Variants in TRIO observed in about 807,000 individuals in gnomAD.
The protein encoded by TRIO is trio Rho guanine nucleotide exchange factor.
TRIO carries 58 observed loss-of-function variants against 351.9 expected under a neutral mutation model. That is an observed-to-expected ratio of 0.16 (90% CI 0.13 to 0.21). The LOEUF is 0.21. TRIO is among the 10% of genes least tolerant of loss of function. The pLI is 1.00. For missense variants in TRIO, 3,201 were observed against 4,027.8 expected (o/e 0.79, Z 5.56); for synonymous variants, 1,758 against 1,595.7 (o/e 1.10, Z -2.42).
chr5:14,290,696 G>C lies in TRIO; in HGVS notation c.541-20G>C. The C allele has an allele frequency of 1.9e-6, 3 of 1,568,122 alleles. No homozygotes were observed. The South Asian group carries it at 3.6e-5, about 19-fold the overall frequency. On this transcript the variant is annotated intron_variant, in intron 4 of 56. Coordinates refer to ENST00000344204, the MANE Select transcript of TRIO (RefSeq NM_007118.4). Reference sequence around the variant, plus strand: ...ATAAAATTGGTTCATCTTCTCATACGTGATTTTTTTTCCCTTAAGACAAAT... The same window carrying C: ...ATAAAATTGGTTCATCTTCTCATACCTGATTTTTTTTCCCTTAAGACAAAT...
In TRIO at chr5:14,285,111, C is replaced by T. The variant is rs185389054; in HGVS notation, c.348-1760C>T. Among the ~76,000 whole-genome samples the T allele has an allele frequency of 6.6e-5, 10 of 152,298 alleles. No homozygotes were observed. In the East Asian group the frequency reaches 1.7e-3, roughly 26 times the overall value. ...AGGTTTCATGAAGGAGGTCAGAAAA[C>T]AGGTGATGTTTCTGCCCGTGATGTT... On this transcript the variant is annotated intron_variant, in intron 3 of 56. Coordinates refer to ENST00000344204, the MANE Select transcript of TRIO (RefSeq NM_007118.4).
intron 30 of TRIO, 86 bp downstream of exon 30, chr5:14,399,156 C>G: frequency 8.0e-7 from 1 of 1,244,854 alleles, no homozygotes. Context: ...TCATTGTCTT[C>G]AGTTTAACCT....
intron 1 of TRIO, among the ~76,000 whole-genome samples, chr5:14,213,114 A>T (rs56070744): frequency 3.2e-3 from 481 of 152,236 alleles, no homozygotes; most frequent in Non-Finnish European, 5.5e-3. Context: ...AACCTTGCAA[A>T]CACTGAGGTT....
intron 16 of TRIO, 132 bp from the exon 17 acceptor site, chr5:14,368,576 C>A: frequency 1.1e-6 from 1 of 921,488 alleles, no homozygotes; most frequent in Non-Finnish European, 1.6e-6. Context: ...CTTTTAGAAG[C>A]ATCCTAGTGA....
At chr5:14,384,885 T>C (rs998234820) in intron 21 of TRIO, among the ~76,000 whole-genome samples, 1 of 152,058 alleles carries the variant, frequency 6.6e-6, no homozygotes, top group Admixed American at 6.5e-5. Context: ...AAAGGACTGA[T>C]TTGCCAGTAA....
chr5:14,364,921 C>A, intron 15 of TRIO, 105 bp downstream of exon 15: 1 of 1,382,526 alleles, frequency 7.2e-7, no homozygotes, highest in Non-Finnish European at 9.6e-7. Flanking sequence ...ATTGTGCCTG[C>A]TCAGAACACA....
intron 20 of TRIO, among the ~76,000 whole-genome samples, chr5:14,379,441 A>G (rs560832019): frequency 1.1e-4 from 16 of 152,318 alleles, no homozygotes; most frequent in African/African-American, 3.8e-4. Flanking sequence ...AGTTAGATGA[A>G]CTGGGTTCCT....
intron 30 of TRIO, among the ~76,000 whole-genome samples, chr5:14,400,017 A>C (rs954930168): frequency 3.3e-5 from 5 of 152,244 alleles, no homozygotes; most frequent in African/African-American, 9.6e-5. Context: ...TTCTTCAGGT[A>C]ATAAAATGTC....
At chr5:14,381,331 T>A in intron 21 of TRIO, 79 bp downstream of exon 21, 1 of 1,491,938 alleles carries the variant, frequency 6.7e-7, no homozygotes, top group Non-Finnish European at 8.9e-7. Context: ...AAATACCTCA[T>A]GAGATTGGAG....
chr5:14,420,885 T>A (rs982447538), intron 34 of TRIO: 1 of 152,268 alleles, frequency 6.6e-6, no homozygotes, highest in African/African-American at 2.4e-5. Context: ...CGCATGTGCC[T>A]TTCCTGTGGT....
chr5:14,411,719 C>T (rs1392271653), intron 33 of TRIO, among the ~76,000 whole-genome samples: 2 of 151,778 alleles, frequency 1.3e-5, no homozygotes, highest in Non-Finnish European at 2.9e-5. Context: ...GTGATCCTTG[C>T]CTGGCCCCCC....
intron 1 of TRIO, among the ~76,000 whole-genome samples, chr5:14,206,902 G>A (rs527674840): frequency 8.5e-5 from 13 of 152,190 alleles, no homozygotes; most frequent in African/African-American, 3.1e-4. Flanking sequence ...TGTTACATAT[G>A]TTTAAAAGGC....
intron 1 of TRIO, among the ~76,000 whole-genome samples, chr5:14,209,262 G>A (rs1021256630): frequency 2.0e-5 from 3 of 152,190 alleles, no homozygotes; most frequent in African/African-American, 7.2e-5. Flanking sequence ...ACCTCATGAC[G>A]TTGTAAAGAC....
intron 27 of TRIO, 120 bp downstream of exon 27, chr5:14,391,110 G>A (rs1747045808): frequency 1.3e-6 from 1 of 754,276 alleles, no homozygotes; most frequent in Non-Finnish European, 2.1e-6. Context: ...TATCATTTTT[G>A]TCTATCATTT....
At chr5:14,177,748 T>C (rs1789495287) in intron 1 of TRIO, among the ~76,000 whole-genome samples, 1 of 152,102 alleles carries the variant, frequency 6.6e-6, no homozygotes, top group African/African-American at 2.4e-5. Context: ...CTTGGGTGCC[T>C]AGGAGTTTCC....
At chr5:14,388,843 T>G (rs1746795359) in intron 24 of TRIO, among the ~76,000 whole-genome samples, 164 bp downstream of exon 24, 1 of 152,214 alleles carries the variant, frequency 6.6e-6, no homozygotes, top group Non-Finnish European at 1.5e-5. Context: ...GTTTCTGCAC[T>G]TCTGTAGAGT....
chr5:14,440,937 AG>A (rs1751979325), intron 34 of TRIO: 1 of 152,188 alleles, frequency 6.6e-6, no homozygotes, highest in African/African-American at 2.4e-5. Flanking sequence ...AGCTCCAATT[AG>A]AGTCAGTGTG....
intron 34 of TRIO, among the ~76,000 whole-genome samples, chr5:14,460,486 G>A (rs865788915): frequency 6.6e-6 from 1 of 152,070 alleles, no homozygotes; most frequent in East Asian, 1.9e-4. Context: ...CATTTTATCC[G>A]TAATAATTAC....
At chr5:14,361,837 G>A (rs1744176054) in intron 13 of TRIO, among the ~76,000 whole-genome samples, 1 of 152,186 alleles carries the variant, frequency 6.6e-6, no homozygotes, top group Non-Finnish European at 1.5e-5. Flanking sequence ...GTTTATTATG[G>A]CCAGACGTGG....
Sources: allele counts gnomAD v4.1 joint callset (sites outside exome capture counted in the v4.1 genomes callset), GRCh38; gene constraint gnomAD v4.1.1; transcripts MANE v1.5; gene names NCBI Gene and HGNC (gene_info 2026-07-23, HGNC 2026-07-21).